Variants in PLCL1 observed in about 807,000 individuals in gnomAD.
PLCL1 encodes phospholipase C like 1 (inactive).
PLCL1 carries 41 observed loss-of-function variants against 84.4 expected under a neutral mutation model. The observed-to-expected ratio is 0.49, with a 90% CI of 0.38 to 0.63. The LOEUF is 0.63. Ranked by LOEUF, PLCL1 falls within the 30% of genes least tolerant of loss-of-function variation. The probability of loss-of-function intolerance (pLI) is 0.00; values close to 1 mark genes in which losing one functional copy is unlikely to be tolerated. For synonymous variants in PLCL1, 490 were observed against 488.3 expected (o/e 1.00, Z -0.05); for missense variants, 1,206 against 1,367.8 (o/e 0.88, Z 1.87).
chr2:198,126,063 CT>C (rs999928458), intron 5 of PLCL1, among the ~76,000 whole-genome samples: 7 of 152,014 alleles, frequency 4.6e-5, no homozygotes, highest in Admixed American at 4.6e-4. Context: ...GTATATAATT[CT>C]TTAATTTGTT....
intron 1 of PLCL1, among the ~76,000 whole-genome samples, chr2:198,031,622 T>C (rs1691426047): frequency 6.6e-6 from 1 of 150,668 alleles, no homozygotes; most frequent in Admixed American, 6.6e-5. Context: ...TCCCCAGTGC[T>C]GAGGTTACAG....
At chr2:197,839,443 C>G (rs1422353511) in intron 1 of PLCL1, among the ~76,000 whole-genome samples, 1 of 152,164 alleles carries the variant, frequency 6.6e-6, no homozygotes, top group East Asian at 1.9e-4. Context: ...CAACCTAGGT[C>G]CCTCACATGT....
At chr2:197,998,096 G>A (rs1690509437) in intron 1 of PLCL1, among the ~76,000 whole-genome samples, 1 of 151,740 alleles carries the variant, frequency 6.6e-6, no homozygotes, top group African/African-American at 2.4e-5. Context: ...GACAGAAACT[G>A]AAAACTGAGG....
chr2:197,920,887 G>C (rs1247505639), intron 1 of PLCL1, among the ~76,000 whole-genome samples: 1 of 152,174 alleles, frequency 6.6e-6, no homozygotes, highest in African/African-American at 2.4e-5. Context: ...CAATGAGAAA[G>C]GCCATGGAGA....
intron 1 of PLCL1, among the ~76,000 whole-genome samples, chr2:197,812,507 T>A (rs1690607767): frequency 6.6e-6 from 1 of 152,228 alleles, no homozygotes; most frequent in Non-Finnish European, 1.5e-5. Flanking sequence ...TGAGTTAGTA[T>A]CTCATTGTGA....
chr2:197,835,672 T>G (rs953642638), intron 1 of PLCL1, among the ~76,000 whole-genome samples: 5 of 152,236 alleles, frequency 3.3e-5, no homozygotes, highest in African/African-American at 1.2e-4. Context: ...GAGACTCTGT[T>G]TCTTCGCCTC....
At chr2:197,874,093 T>C (rs190943840) in intron 1 of PLCL1, among the ~76,000 whole-genome samples, 52 of 152,338 alleles carry the variant, frequency 3.4e-4, no homozygotes, top group African/African-American at 1.2e-3. Context: ...TTTCATTTTA[T>C]AGCACTTGCT....
intron 5 of PLCL1, among the ~76,000 whole-genome samples, chr2:198,119,120 C>T (rs896455381): frequency 6.6e-6 from 1 of 151,876 alleles, no homozygotes; most frequent in Non-Finnish European, 1.5e-5. Flanking sequence ...GTTTTGACAA[C>T]CAAACATAGT....
chr2:197,895,965 C>G (rs2105730871), intron 1 of PLCL1, among the ~76,000 whole-genome samples: 1 of 151,860 alleles, frequency 6.6e-6, no homozygotes, highest in African/African-American at 2.4e-5. Context: ...AATTGCTGTC[C>G]TCATTCAACA....
chr2:197,871,303 T>G (rs758243934), intron 1 of PLCL1, among the ~76,000 whole-genome samples: 10 of 152,078 alleles, frequency 6.6e-5, no homozygotes, highest in Non-Finnish European at 1.0e-4. Flanking sequence ...TCCCTGGCTT[T>G]AGATTTTTTG....
At chr2:197,882,096 T>C (rs1687840457) in intron 1 of PLCL1, among the ~76,000 whole-genome samples, 1 of 152,178 alleles carries the variant, frequency 6.6e-6, no homozygotes, top group Middle Eastern at 3.4e-3. Context: ...ATTATAAATA[T>C]TTAAAACATT....
At chr2:198,091,807 A>C (rs928264382) in intron 3 of PLCL1, among the ~76,000 whole-genome samples, 4 of 152,178 alleles carry the variant, frequency 2.6e-5, no homozygotes, top group African/African-American at 7.2e-5. Flanking sequence ...AAATCCTCCA[A>C]TGGGTTCCAT....
At chr2:197,840,613 C>T (rs774190927) in intron 1 of PLCL1, among the ~76,000 whole-genome samples, 2 of 152,062 alleles carry the variant, frequency 1.3e-5, no homozygotes, top group Admixed American at 6.5e-5. Flanking sequence ...GATGAAAGGG[C>T]AAATCCTACT....
chr2:198,133,449 C>T (rs989919889), intron 5 of PLCL1, among the ~76,000 whole-genome samples: 5 of 149,404 alleles, frequency 3.3e-5, no homozygotes, highest in Admixed American at 6.7e-5. Flanking sequence ...GTGGGTGCAG[C>T]GCACCAGCAT....
At chr2:197,854,328 C>T (rs938088141) in intron 1 of PLCL1, among the ~76,000 whole-genome samples, 3 of 152,190 alleles carry the variant, frequency 2.0e-5, no homozygotes, top group African/African-American at 7.2e-5. Context: ...AAACATAAAT[C>T]TAAACATATA....
At chr2:197,880,620 T>C (rs1223291404) in intron 1 of PLCL1, among the ~76,000 whole-genome samples, 2 of 152,172 alleles carry the variant, frequency 1.3e-5, no homozygotes, top group South Asian at 2.1e-4. Flanking sequence ...GAGAAGATGC[T>C]TCGTTAGGAT....
chr2:197,994,031 A>G (rs1023967668), intron 1 of PLCL1, among the ~76,000 whole-genome samples: 1 of 152,150 alleles, frequency 6.6e-6, no homozygotes, highest in Non-Finnish European at 1.5e-5. Flanking sequence ...TAGGGTTCTC[A>G]AGAGTGTGAG....
chr2:198,134,398 C>A (rs189892373), intron 5 of PLCL1, among the ~76,000 whole-genome samples: 1 of 152,168 alleles, frequency 6.6e-6, no homozygotes, highest in South Asian at 2.1e-4. Context: ...TAAGAAGTAG[C>A]ATGTTTTATT....
intron 1 of PLCL1, among the ~76,000 whole-genome samples, chr2:197,881,767 A>G (rs1435718233): frequency 6.6e-6 from 1 of 151,988 alleles, no homozygotes; most frequent in African/African-American, 2.4e-5. Context: ...GATAACTTTG[A>G]CCACACACAA....
Sources: allele counts gnomAD v4.1 joint callset (sites outside exome capture counted in the v4.1 genomes callset), GRCh38; gene constraint gnomAD v4.1.1; transcripts MANE v1.5; gene names NCBI Gene and HGNC (gene_info 2026-07-23, HGNC 2026-07-21).